CRAMP1: variants seen among roughly 807,000 people sequenced by gnomAD.
CRAMP1 encodes the protein protein cramped-like.
Under a neutral mutation model 115.4 loss-of-function variants are expected in CRAMP1, and 50 were observed. That is an observed-to-expected ratio of 0.43 (90% confidence interval 0.35 to 0.55). CRAMP1 has a LOEUF of 0.55. Among genes scored for constraint, CRAMP1 ranks in the 20% least tolerant of loss-of-function variants. The probability of loss-of-function intolerance (pLI) is 0.01; values close to 1 mark genes in which losing one functional copy is unlikely to be tolerated. For synonymous variants in CRAMP1, 866 were observed against 745.4 expected (o/e 1.16, Z -2.64); for missense variants, 1,679 against 1,721.7 (o/e 0.98, Z 0.44).
chr16:1,641,303 C>G, intron 6 of CRAMP1, 116 bp downstream of exon 6: 1 of 768,326 alleles, frequency 1.3e-6, no homozygotes, highest in Non-Finnish European at 2.3e-6. Context: ...ACTTCATAAC[C>G]TCTCAGTTAC....
rs953501546 is a variant in CRAMP1 at position 1,626,224 on chromosome 16, C to T, written c.540+58C>T. ...CTGGGCGTCCCTCTCGGATCCCTGCCCTCCGTTCCCCGTGCTTCCTCTTTG... is the reference window on the plus strand; with the variant it reads ...CTGGGCGTCCCTCTCGGATCCCTGCTCTCCGTTCCCCGTGCTTCCTCTTTG... On this transcript the variant is annotated intron_variant, in intron 3 of 20. Coordinates refer to ENST00000397412, the MANE Select transcript of CRAMP1 (RefSeq NM_020825.4). 200 of 1,381,684 alleles carry T rather than the reference C, an allele frequency of 1.4e-4. 1 individual carries two copies. The highest frequency in any genetic ancestry group is 6.1e-5 in the South Asian group (4 of 65,820). The allele number at this position is 1,381,684 out of a possible 1,614,324, so 85.6% of individuals were successfully genotyped here.
intron 8 of CRAMP1, 26 bp downstream of exon 8, chr16:1,653,182 G>A: frequency 6.3e-7 from 1 of 1,599,232 alleles, no homozygotes; most frequent in South Asian, 1.1e-5. Flanking sequence ...GCACGCAGAG[G>A]GGTCCCAACT....
At chr16:1,612,694 G>A (rs1202947361) in intron 1 of CRAMP1, among the ~76,000 whole-genome samples, 37 bp downstream of exon 1, 1 of 152,036 alleles carries the variant, frequency 6.6e-6, no homozygotes, top group Non-Finnish European at 1.5e-5. Context: ...TCATGGCGAG[G>A]CCCGGCCGGG....
chr16:1,650,708 A>G (rs945760121), intron 6 of CRAMP1, among the ~76,000 whole-genome samples: 1 of 152,240 alleles, frequency 6.6e-6, no homozygotes, highest in Non-Finnish European at 1.5e-5. Context: ...CTTTTTTCAT[A>G]GACTGTTTCT....
At chr16:1,652,131 C>T (rs1184512797) in intron 6 of CRAMP1, among the ~76,000 whole-genome samples, 1 of 152,210 alleles carries the variant, frequency 6.6e-6, no homozygotes, top group African/African-American at 2.4e-5. Context: ...GGGAGGACTG[C>T]ACAGAGCTGG....
chr16:1,641,374 G>A (rs938508726), intron 6 of CRAMP1, among the ~76,000 whole-genome samples, 187 bp downstream of exon 6: 1 of 152,196 alleles, frequency 6.6e-6, no homozygotes, highest in African/African-American at 2.4e-5. Flanking sequence ...CAGAGCCTGT[G>A]CCTGCCCCGG....
chr16:1,641,308 A>C, intron 6 of CRAMP1, 121 bp downstream of exon 6: 2 of 745,908 alleles, frequency 2.7e-6, no homozygotes, highest in Non-Finnish European at 4.7e-6. Context: ...ATAACCTCTC[A>C]GTTACGTGTT....
At position 1,675,121 on chromosome 16, in the gene CRAMP1, G is replaced by A. The variant is rs2036956482; in HGVS notation, c.*1076G>A. On this transcript the variant is annotated 3_prime_UTR_variant, in exon 21 of 21. Transcript: ENST00000397412. ...CACCCAGGTGAGGGCCCAGACATCT[G>A]GATGTGGTCAGACCTCACCAAATAT... 1 of 152,274 alleles carries A rather than the reference G, an allele frequency of 6.6e-6. No individual in the cohort carries two copies. The highest frequency in any genetic ancestry group is 1.5e-5 in the Non-Finnish European group (1 of 68,066). The allele number at this position is 152,274 out of a possible 1,614,324, so 9.4% of individuals were successfully genotyped here.
intron 10 of CRAMP1, among the ~76,000 whole-genome samples, chr16:1,659,045 T>A (rs376935924): frequency 6.6e-6 from 1 of 151,738 alleles, no homozygotes; most frequent in Non-Finnish European, 1.5e-5. Flanking sequence ...TCCCCTGGGG[T>A]TGGGCTCTGT....
intron 9 of CRAMP1, 135 bp downstream of exon 9, chr16:1,655,435 C>A: frequency 1.3e-6 from 1 of 748,476 alleles, no homozygotes; most frequent in Non-Finnish European, 2.4e-6. Flanking sequence ...TGGTGTACAT[C>A]TGGAACCATA....
chr16:1,614,507 G>C lies in CRAMP1; in HGVS notation c.-1-132G>C, dbSNP rs1338231167. 2.8e-6 allele frequency: 1 copy of C among 358,156 alleles called. No homozygotes were observed. Among genetic ancestry groups the C allele is most frequent in the South Asian group, 1.1e-4 (1 of 8,802 alleles). 22.2% of individuals were successfully genotyped at this position (358,156 alleles called of 1,614,324 possible). On this transcript the variant is annotated intron_variant, in intron 1 of 20. Coordinates refer to ENST00000397412, the MANE Select transcript of CRAMP1 (RefSeq NM_020825.4). The surrounding 1 kb of genome is among the most constrained non-coding windows in gnomAD (Gnocchi z 4.4). ...GGCCGCGGCGGGCTCGGGCGGGCTC[G>C]GGCGGGCCGGGCCGAGCCGCCGAGA...
intron 18 of CRAMP1, 25 bp from the exon 19 acceptor site, chr16:1,668,976 T>A (rs764382406): frequency 6.2e-7 from 1 of 1,612,270 alleles, no homozygotes; most frequent in Non-Finnish European, 8.5e-7. Context: ...ACAAGGCGTT[T>A]CTGATCTGGG....
intron 10 of CRAMP1, among the ~76,000 whole-genome samples, chr16:1,659,579 G>A (rs1328601905): frequency 3.3e-5 from 5 of 152,126 alleles, no homozygotes; most frequent in Admixed American, 6.5e-5. Context: ...AGTAGAGACA[G>A]CGTTTCACCG....
chr16:1,624,062 G>T (rs1428348674), intron 2 of CRAMP1, among the ~76,000 whole-genome samples: 1 of 152,170 alleles, frequency 6.6e-6, no homozygotes, highest in Non-Finnish European at 1.5e-5. Flanking sequence ...CCGTCTGGTA[G>T]CTCTCTCTGC....
rs750589513 is a variant in CRAMP1 at position 1,666,036 on chromosome 16, G to A, written c.2753-37G>A. On this transcript the variant is annotated intron_variant, in intron 14 of 20. Coordinates refer to ENST00000397412, the MANE Select transcript of CRAMP1 (RefSeq NM_020825.4). The surrounding 1 kb of genome is among the most constrained non-coding windows in gnomAD (Gnocchi z 5.0). Reference sequence around the variant, plus strand: ...ATCCTGCTGTGAGGGCATGGCGGGCGGGCTCGACATGTCTGCTTTTGCCCT... The same window carrying A: ...ATCCTGCTGTGAGGGCATGGCGGGCAGGCTCGACATGTCTGCTTTTGCCCT... The A allele has an allele frequency of 6.5e-6, 9 of 1,393,432 alleles. No homozygotes were observed. The highest frequency in any genetic ancestry group is 9.0e-6 in the Non-Finnish European group (9 of 1,004,700). 86.3% of individuals were successfully genotyped at this position (1,393,432 alleles called of 1,614,324 possible).
At position 1,667,336 on chromosome 16, in the gene CRAMP1, G is replaced by A. The variant is rs2036884254; in HGVS notation, c.3038G>A (p.Gly1013Asp). 6.2e-7 allele frequency: 1 copy of A among 1,612,984 alleles called. No homozygotes were observed. The highest frequency in any genetic ancestry group is 1.3e-5 in the African/African-American group (1 of 75,024). ...QDGDTLPTVGGSDPFVSIPSR... is the reference protein window; with the variant it reads ...QDGDTLPTVGDSDPFVSIPSR... The stretch of plus-strand genomic sequence containing the variant: ...CTCATGGGCGTGCTCTTCCTGCAGG[G>A]CTCCGACCCATTTGTCAGCATCCCT... The change falls in exon 17 of 21, where the codon GGC becomes GAC. Residue 1013 changes from glycine (G) to aspartate (D), a missense_variant and splice_region_variant. Gly to Asp is a moderately conservative substitution (Grantham distance 94). This residue lies in a region of CRAMP1 where 709 missense variants were observed against 741.9 expected (regional missense o/e 0.96). Coordinates refer to ENST00000397412, the MANE Select transcript of CRAMP1 (RefSeq NM_020825.4).
At chr16:1,646,678 T>G (rs2036677044) in intron 6 of CRAMP1, among the ~76,000 whole-genome samples, 2 of 152,254 alleles carry the variant, frequency 1.3e-5, no homozygotes, top group Admixed American at 1.3e-4. Flanking sequence ...AAGTCAAGTC[T>G]GTCACTGTTT....
rs1327748258 is a variant in CRAMP1 at position 1,675,601 on chromosome 16, C to T, written c.*1556C>T. On this transcript the variant is annotated 3_prime_UTR_variant, in exon 21 of 21. Coordinates refer to ENST00000397412, the MANE Select transcript of CRAMP1 (RefSeq NM_020825.4). ...TGTGGACAAGCATGTGGACGCCCTCCGTCCTGCAGTCTTGCCAGCCCACCA... is the reference window on the plus strand; with the variant it reads ...TGTGGACAAGCATGTGGACGCCCTCTGTCCTGCAGTCTTGCCAGCCCACCA... The T allele has an allele frequency of 1.3e-5, 2 of 152,364 alleles. No individual in the cohort carries two copies. Among genetic ancestry groups the T allele is most frequent in the South Asian group, 2.1e-4 (1 of 4,832 alleles). 9.4% of individuals were successfully genotyped at this position (152,364 alleles called of 1,614,324 possible).
At chr16:1,633,325 A>G (rs893658160) in intron 4 of CRAMP1, among the ~76,000 whole-genome samples, 6 of 152,170 alleles carry the variant, frequency 3.9e-5, no homozygotes, top group Admixed American at 3.9e-4. Flanking sequence ...AGGGCCGCAG[A>G]CACCCCCTGC....
Sources: gnomAD v4.1 joint callset for allele counts (sites outside exome capture counted in the v4.1 genomes callset) on GRCh38, gnomAD v4.1.1 for gene constraint, gnomAD v4.1.1 regional missense constraint, Gnocchi (gnomAD v3.1) non-coding constraint, MANE v1.5 for transcripts, NCBI Gene and HGNC (gene_info 2026-07-23, HGNC 2026-07-21) for gene names.